CALN1: variants seen among roughly 807,000 people sequenced by gnomAD.
CALN1 encodes calcium-binding protein 8.
CALN1 carries 17 observed loss-of-function variants against 30.6 expected under a neutral mutation model. That is an observed-to-expected ratio of 0.56 (90% CI 0.38 to 0.83). The LOEUF (loss-of-function observed/expected upper bound fraction) is 0.83, where lower values mean the gene tolerates loss of function less well. CALN1 is among the 40% of genes least tolerant of loss of function. The pLI is 0.00. For missense variants in CALN1, 291 were observed against 354.9 expected (o/e 0.82, Z 1.45); for synonymous variants, 156 against 131.4 (o/e 1.19, Z -1.28).
intron 2 of CALN1, among the ~76,000 whole-genome samples, chr7:72,294,041 T>C (rs550002344): frequency 1.2e-4 from 18 of 151,960 alleles, no homozygotes; most frequent in African/African-American, 1.7e-4. Context: ...GAGGCTGTGG[T>C]GAGCCGAGAC....
chr7:71,857,022 G>GTGTGTGTGTA (rs1790993962), intron 5 of CALN1, among the ~76,000 whole-genome samples: 1 of 106,806 alleles, frequency 9.4e-6, no homozygotes, highest in African/African-American at 6.1e-5. Context: ...ATGTATGTGT[G>GTGTGTGTGTA]TGTGTGTGTG....
chr7:72,388,302 G>T (rs1012261282), intron 2 of CALN1, among the ~76,000 whole-genome samples: 1 of 152,022 alleles, frequency 6.6e-6, no homozygotes, highest in Non-Finnish European at 1.5e-5. Context: ...ATCTTCCCAA[G>T]AGGTACTTCC....
At chr7:72,229,814 G>C (rs937445413) in intron 3 of CALN1, among the ~76,000 whole-genome samples, 3 of 151,858 alleles carry the variant, frequency 2.0e-5, no homozygotes, top group Admixed American at 6.6e-5. Context: ...GAGAGCATTA[G>C]GACAAATACA....
chr7:72,328,777 C>A (rs953221063), intron 2 of CALN1, among the ~76,000 whole-genome samples: 4 of 152,196 alleles, frequency 2.6e-5, no homozygotes, highest in African/African-American at 9.7e-5. Context: ...CTCACTGCAA[C>A]CTCCGCCTCC....
At chr7:72,149,221 T>G (rs1787022998) in intron 3 of CALN1, among the ~76,000 whole-genome samples, 13 of 152,132 alleles carry the variant, frequency 8.5e-5, no homozygotes, top group Admixed American at 8.5e-4. Flanking sequence ...ATCCCAGCAC[T>G]TTGGGAGACC....
chr7:72,182,298 C>T (rs1422341081), intron 3 of CALN1, among the ~76,000 whole-genome samples: 1 of 151,964 alleles, frequency 6.6e-6, no homozygotes, highest in African/African-American at 2.4e-5. Flanking sequence ...CTAGGAAGAG[C>T]AATGTGTTAC....
chr7:71,869,098 T>G (rs1267872347), intron 5 of CALN1, among the ~76,000 whole-genome samples: 1 of 152,042 alleles, frequency 6.6e-6, no homozygotes, highest in Non-Finnish European at 1.5e-5. Flanking sequence ...ACAGAGTGCT[T>G]CTCCTCTCCT....
intron 5 of CALN1, among the ~76,000 whole-genome samples, chr7:71,832,416 C>T (rs1430365533): frequency 1.3e-5 from 2 of 152,098 alleles, no homozygotes; most frequent in Non-Finnish European, 2.9e-5. Context: ...TGCCTTTTTG[C>T]TTGTGCTTAG....
At chr7:72,054,524 TATAC>T (rs1803110041) in intron 4 of CALN1, among the ~76,000 whole-genome samples, 1 of 102,500 alleles carries the variant, frequency 9.8e-6, no homozygotes, top group Non-Finnish European at 1.9e-5. Flanking sequence ...TATATACATA[TATAC>T]ATACATATAT....
At chr7:72,335,582 TCTC>T (rs1206219355) in intron 2 of CALN1, among the ~76,000 whole-genome samples, 2 of 151,880 alleles carry the variant, frequency 1.3e-5, no homozygotes, top group East Asian at 1.9e-4. Context: ...CCCAAAAAAG[TCTC>T]CTTTTTTGCA....
chr7:72,171,134 G>A (rs994165658), intron 3 of CALN1, among the ~76,000 whole-genome samples: 1 of 152,012 alleles, frequency 6.6e-6, no homozygotes, highest in Non-Finnish European at 1.5e-5. Context: ...CTCCAGCCTG[G>A]GTGACAGAGT....
At chr7:72,239,703 AT>A (rs1300238412) in intron 3 of CALN1, among the ~76,000 whole-genome samples, 8 of 148,674 alleles carry the variant, frequency 5.4e-5, no homozygotes, top group Non-Finnish European at 6.0e-5. Context: ...GAAAAAAAAA[AT>A]GTGGATTTTC....
intron 3 of CALN1, among the ~76,000 whole-genome samples, chr7:72,253,440 G>A (rs1439807027): frequency 6.6e-6 from 1 of 152,176 alleles, no homozygotes; most frequent in Non-Finnish European, 1.5e-5. Context: ...AATTTATAAA[G>A]GAAAGCAGTT....
chr7:72,345,287 C>T (rs374183231), intron 2 of CALN1, among the ~76,000 whole-genome samples: 21 of 129,294 alleles, frequency 1.6e-4, no homozygotes, highest in African/African-American at 5.9e-4. Context: ...TGAAACTGCA[C>T]ATGGTGAATG....
At chr7:71,987,670 C>G (rs1431306901) in intron 5 of CALN1, among the ~76,000 whole-genome samples, 1 of 152,202 alleles carries the variant, frequency 6.6e-6, no homozygotes, top group Non-Finnish European at 1.5e-5. Context: ...TTTGCACTGT[C>G]CTCAGGGAGA....
At chr7:72,315,564 G>T (rs749569931) in intron 2 of CALN1, among the ~76,000 whole-genome samples, 13 of 151,980 alleles carry the variant, frequency 8.6e-5, no homozygotes, top group Non-Finnish European at 1.9e-4. Context: ...AAATTAGATG[G>T]TGTGGTGGTG....
chr7:71,872,604 TTTTC>T (rs1006162458), intron 5 of CALN1, among the ~76,000 whole-genome samples: 8 of 143,482 alleles, frequency 5.6e-5, no homozygotes, highest in African/African-American at 1.3e-4. Context: ...CTTTATTTAC[TTTTC>T]TTTCTTTTTT....
intron 2 of CALN1, among the ~76,000 whole-genome samples, chr7:72,290,079 T>TAAAAAAAAAAAA (rs60416266): frequency 9.3e-5 from 3 of 32,122 alleles, no homozygotes; most frequent in African/African-American, 2.5e-4. Flanking sequence ...GACCCTGTCT[T>TAAAAAAAAAAAA]AAAAAAAAAA....
chr7:72,251,996 C>A (rs887645077), intron 3 of CALN1, among the ~76,000 whole-genome samples: 1 of 152,092 alleles, frequency 6.6e-6, no homozygotes. Context: ...TTATTCAGCA[C>A]CCAATTCTGC....
Sources: allele counts gnomAD v4.1 joint callset (sites outside exome capture counted in the v4.1 genomes callset), GRCh38; gene constraint gnomAD v4.1.1; transcripts MANE v1.5; gene names NCBI Gene and HGNC (gene_info 2026-07-23, HGNC 2026-07-21).